The following VPS13A variants were observed in gnomAD, a reference collection of about 807,000 sequenced individuals.
The protein encoded by VPS13A is intermembrane lipid transfer protein VPS13A.
Under a neutral mutation model 390.9 loss-of-function variants are expected in VPS13A, and 264 were observed. The ratio of observed to expected loss-of-function variants is 0.68; its 90% CI spans 0.61 to 0.75. The LOEUF is 0.75. Ranked by LOEUF, VPS13A falls within the 30% of genes least tolerant of loss-of-function variation. VPS13A has a pLI of 0.00. For synonymous variants in VPS13A, 1,231 were observed against 1,227.1 expected (o/e 1.00, Z -0.07); for missense variants, 3,409 against 3,733.9 (o/e 0.91, Z 2.27).
At chr9:77,407,217 C>T (rs142671514) in intron 70 of VPS13A, among the ~76,000 whole-genome samples, 125 of 152,254 alleles carry the variant, frequency 8.2e-4, no homozygotes, top group Non-Finnish European at 1.5e-3. Flanking sequence ...TATTTGGAGA[C>T]GAAAAACAGT....
rs548557909 is a variant in VPS13A, at chr9:77,188,625, A to G, written c.100+10821A>G. 2.6e-5 allele frequency among the ~76,000 whole-genome samples: 4 copies of G among 152,290 alleles called. No homozygotes were observed. In the South Asian group the frequency reaches 6.2e-4, roughly 24 times the overall value. ...TAGGACAGTTTATGGTCCTTTGGGT[A>G]TATACCCAGTAATGGGATTGCTGGT... On this transcript the variant is annotated intron_variant, in intron 1 of 71. Transcript: ENST00000360280.
At chr9:77,312,837 A>G (rs556990822) in intron 35 of VPS13A, among the ~76,000 whole-genome samples, 10 of 152,304 alleles carry the variant, frequency 6.6e-5, no homozygotes, top group African/African-American at 2.4e-4. Context: ...TACGACTGAT[A>G]GGAATGTGAA....
At chr9:77,347,262 A>G (rs1323504591) in intron 52 of VPS13A, among the ~76,000 whole-genome samples, 2 of 152,066 alleles carry the variant, frequency 1.3e-5, no homozygotes, top group African/African-American at 4.8e-5. Context: ...TTGAATCTGT[A>G]GATTGCTTAT....
At chr9:77,217,469 C>T (rs546782663) in intron 10 of VPS13A, among the ~76,000 whole-genome samples, 4 of 152,176 alleles carry the variant, frequency 2.6e-5, no homozygotes, top group Non-Finnish European at 4.4e-5. Context: ...TCCCATTTCT[C>T]TACCTTTCTG....
intron 52 of VPS13A, 29 bp downstream of exon 52, chr9:77,345,171 T>C (rs1181646139): frequency 6.2e-7 from 1 of 1,609,706 alleles, no homozygotes; most frequent in Admixed American, 1.7e-5. Flanking sequence ...CAGTAACTCT[T>C]GATGGTGTAA....
chr9:77,347,778 C>T (rs1418487255), intron 52 of VPS13A, among the ~76,000 whole-genome samples: 6 of 151,890 alleles, frequency 4.0e-5, no homozygotes, highest in South Asian at 2.1e-4. Context: ...TCTTTTTTTA[C>T]CCATTTCTTT....
At chr9:77,298,743 C>A (rs1191343342) in intron 33 of VPS13A, among the ~76,000 whole-genome samples, 1 of 152,060 alleles carries the variant, frequency 6.6e-6, no homozygotes, top group Non-Finnish European at 1.5e-5. Flanking sequence ...CCATAATTCC[C>A]ACATGTTGTG....
rs560104243 is a variant in VPS13A, at chr9:77,367,439, T to C, written c.8471+567T>C. Among the ~76,000 whole-genome samples the C allele has an allele frequency of 2.6e-5, 4 of 152,270 alleles. No homozygotes were observed. The East Asian group carries it at 5.8e-4, about 22-fold the overall frequency. ...TGATTATTAAGAACAGTCGTAAGAATCAATAAGTCCAACACGAGGTAACAC... is the reference window on the plus strand; with the variant it reads ...TGATTATTAAGAACAGTCGTAAGAACCAATAAGTCCAACACGAGGTAACAC... On this transcript the variant is annotated intron_variant, in intron 61 of 71. Coordinates refer to ENST00000360280, the MANE Select transcript of VPS13A (RefSeq NM_033305.3).
intron 22 of VPS13A, among the ~76,000 whole-genome samples, chr9:77,253,944 T>G (rs979198814): frequency 7.5e-6 from 1 of 133,618 alleles, no homozygotes; most frequent in Non-Finnish European, 1.6e-5. Context: ...TTCTTTTTTT[T>G]TTTTTTTTTT....
chr9:77,340,004 G>A, intron 48 of VPS13A, 93 bp downstream of exon 48: 1 of 1,488,618 alleles, frequency 6.7e-7, no homozygotes, highest in South Asian at 1.2e-5. Context: ...ATGAAACTTG[G>A]ATAGAAATAA....
chr9:77,231,561 C>A (rs780075656), intron 17 of VPS13A, among the ~76,000 whole-genome samples: 8 of 151,932 alleles, frequency 5.3e-5, no homozygotes, highest in South Asian at 2.1e-4. Context: ...TGGATATTGG[C>A]CCTTTGTATA....
At chr9:77,384,733 T>G in intron 68 of VPS13A, 1 of 1,555,720 alleles carries the variant, frequency 6.4e-7, no homozygotes, top group Admixed American at 1.9e-5. Context: ...ACATGTTTTG[T>G]ATGACTTATA....
At position 77,213,241 on chromosome 9, in the gene VPS13A, G is replaced by A. The variant is rs201208791; in HGVS notation, c.623G>A (p.Arg208Gln). ...ETEKLVRKLI[R>Q]LDNLFAYWNV... ...AATAAATTTTATTTTCAGTTAATCC[G>A]ATTGGATAACCTGTTTGCCTATTGG... is the stretch of plus-strand genomic sequence containing the variant. The change falls in exon 9 of 72, where the codon CGA (arginine) becomes CAA (glutamine). Residue 208 changes from arginine to glutamine, a missense_variant. Physicochemically the swap from Arg to Gln is conservative, Grantham distance 43. Coordinates refer to ENST00000360280, the MANE Select transcript of VPS13A (RefSeq NM_033305.3). 9.8e-5 allele frequency: 158 copies of A among 1,613,086 alleles called. 1 individual carries two copies. In the East Asian group the frequency reaches 2.8e-3, roughly 28 times the overall value.
intron 35 of VPS13A, among the ~76,000 whole-genome samples, chr9:77,312,607 T>G (rs550687472): frequency 6.6e-6 from 1 of 152,192 alleles, no homozygotes; most frequent in Non-Finnish European, 1.5e-5. Context: ...TTTGTACTTT[T>G]AGTAGAGACG....
At chr9:77,393,312 C>T (rs1403065101) in intron 68 of VPS13A, among the ~76,000 whole-genome samples, 1 of 152,212 alleles carries the variant, frequency 6.6e-6, no homozygotes, top group Non-Finnish European at 1.5e-5. Flanking sequence ...CAATTACTTC[C>T]TCCGCTGAAG....
chr9:77,348,669 C>T (rs1431723518), intron 52 of VPS13A, among the ~76,000 whole-genome samples: 3 of 151,826 alleles, frequency 2.0e-5, no homozygotes, highest in African/African-American at 7.3e-5. Flanking sequence ...CTTCCCTTGC[C>T]ACCTTAATCT....
rs753086302 is a variant in VPS13A, at chr9:77,382,268, C to G, written c.9189+181C>G. 1.4e-5 allele frequency: 20 copies of G among 1,472,416 alleles called. No homozygotes were observed. In the South Asian group the frequency reaches 2.7e-4, roughly 20 times the overall value. 91.2% of individuals were successfully genotyped at this position (1,472,416 alleles called of 1,614,324 possible). On this transcript the variant is annotated intron_variant, in intron 68 of 71. Coordinates refer to ENST00000360280, the MANE Select transcript of VPS13A (RefSeq NM_033305.3). ...TTTATTTACTATAAGATTTTTTTTT[C>G]TTTTTTACAGGCATCAAAAAGTTTG...
chr9:77,205,894 A>G (rs551964498), intron 4 of VPS13A, 84 bp from the exon 5 acceptor site: 1 of 1,106,210 alleles, frequency 9.0e-7, no homozygotes, highest in East Asian at 2.7e-5. Flanking sequence ...CCGGCCAATT[A>G]ATGATTATTT....
chr9:77,340,141 C>T (rs756860744), intron 48 of VPS13A, 37 bp from the exon 49 acceptor site: 5 of 1,577,178 alleles, frequency 3.2e-6, no homozygotes, highest in East Asian at 2.2e-5. Context: ...TTTAAAGGTA[C>T]CTAAATTGTG....
Sources: allele counts gnomAD v4.1 joint callset (sites outside exome capture counted in the v4.1 genomes callset), GRCh38; gene constraint gnomAD v4.1.1; transcripts MANE v1.5; gene names NCBI Gene and HGNC (gene_info 2026-07-23, HGNC 2026-07-21).